Variants in GALNT9 observed in about 807,000 individuals in gnomAD.
GALNT9 encodes the protein GalNAc transferase 9.
In GALNT9, 47 loss-of-function variants were observed where a neutral mutation model predicts 63.1. The ratio of observed to expected loss-of-function variants is 0.75; its 90% confidence interval spans 0.59 to 0.95. The LOEUF is 0.95. GALNT9 is among the 40% of genes least tolerant of loss of function. The pLI is 0.00. For missense variants in GALNT9, 829 were observed against 874.8 expected, an observed-to-expected ratio of 0.95 and a Z score of 0.66; for synonymous variants, 396 against 365.7, an observed-to-expected ratio of 1.08 and a Z score of -0.94.
chr12:132,197,684 G>A lies in GALNT9; in HGVS notation c.1665+108C>T, dbSNP rs1024818168. 111 of 835,260 alleles carry A rather than the reference G, an allele frequency of 1.3e-4. No individual in the cohort carries two copies. In the Admixed American group the frequency reaches 1.4e-3, roughly 11 times the overall value. The allele number at this position is 835,260 out of a possible 1,614,324, so 51.7% of individuals were successfully genotyped here. On this transcript the variant is annotated intron_variant, in intron 10 of 10. Transcript: ENST00000328957. ...CCCGGTCCCCTGACCACCCCCTGCCGCACTCCAGCTCCCACCCAATGGGCT... is the reference window on the plus strand; with the variant it reads ...CCCGGTCCCCTGACCACCCCCTGCCACACTCCAGCTCCCACCCAATGGGCT...
At chr12:132,297,247 A>C (rs1384244815) in intron 1 of GALNT9, among the ~76,000 whole-genome samples, 2 of 147,320 alleles carry the variant, frequency 1.4e-5, no homozygotes, top group African/African-American at 2.5e-5. Flanking sequence ...AACTCACTCG[A>C]GATAACTAAC....
chr12:132,213,112 TCAGACC>T (rs1877025567), intron 6 of GALNT9, among the ~76,000 whole-genome samples: 1 of 47,172 alleles, frequency 2.1e-5, no homozygotes, highest in Non-Finnish European at 4.2e-5. Context: ...TCTGCAGCCT[TCAGACC>T]TCGACACGGA....
At chr12:132,226,965 T>C (rs1877718966) in intron 6 of GALNT9, among the ~76,000 whole-genome samples, 1 of 141,234 alleles carries the variant, frequency 7.1e-6, no homozygotes, top group East Asian at 2.2e-4. Context: ...ATACACACTG[T>C]ATACACACCC....
chr12:132,207,006 A>G (rs1876737313), intron 6 of GALNT9, among the ~76,000 whole-genome samples: 1 of 152,214 alleles, frequency 6.6e-6, no homozygotes, highest in Admixed American at 6.5e-5. Context: ...TTGAGGCTGC[A>G]GTGAGCCAAG....
At chr12:132,292,985 C>A (rs1196113418) in intron 1 of GALNT9, among the ~76,000 whole-genome samples, 9 of 152,220 alleles carry the variant, frequency 5.9e-5, no homozygotes, top group African/African-American at 2.2e-4. Flanking sequence ...ACGCACATCC[C>A]TAGGAATTCC....
rs1157615775 is a variant in GALNT9, at chr12:132,319,831, G to C, written c.238+9135C>G. On this transcript the variant is annotated intron_variant, in intron 1 of 10. Coordinates refer to ENST00000328957, the MANE Select transcript of GALNT9 (RefSeq NM_001122636.2). The surrounding 1 kb of genome is among the most constrained non-coding windows in gnomAD (Gnocchi z 5.2). ...GCCCAGCCTCCCGCGTCCTTCTAGG[G>C]AGAAGCCGGATTTCCTGTAGAACCT... Among the ~76,000 whole-genome samples the C allele has an allele frequency of 1.3e-5, 2 of 152,196 alleles. No individual in the cohort carries two copies. Among genetic ancestry groups the C allele is most frequent in the Non-Finnish European group, 2.9e-5 (2 of 68,028 alleles).
Position 132,304,678 on chromosome 12 carries a change from C to T in GALNT9, c.239-18248G>A, listed in dbSNP as rs1324136775. Reference sequence around the variant, plus strand: ...ACCCTCACCCGGGCACAGCCTCGCCCGGGCACACCCTCGCCCAGACACACC... The same window carrying T: ...ACCCTCACCCGGGCACAGCCTCGCCTGGGCACACCCTCGCCCAGACACACC... On this transcript the variant is annotated intron_variant, in intron 1 of 10. Transcript: ENST00000328957. 8.6e-5 allele frequency among the ~76,000 whole-genome samples: 4 copies of T among 46,274 alleles called. 1 individual carries two copies. Among genetic ancestry groups the T allele is most frequent in the Non-Finnish European group, 1.6e-4 (4 of 24,654 alleles). The allele number at this position is 46,274 out of a possible 152,430, so 30.4% of individuals were successfully genotyped here.
At chr12:132,318,223 T>G (rs1293120668) in intron 1 of GALNT9, among the ~76,000 whole-genome samples, 1 of 152,302 alleles carries the variant, frequency 6.6e-6, no homozygotes, top group East Asian at 1.9e-4. Flanking sequence ...AATAAAATGC[T>G]GACAGCCAAG....
rs1263849854 is a variant in GALNT9 at position 132,319,429 on chromosome 12, G to A, written c.238+9537C>T. Among the ~76,000 whole-genome samples the A allele has an allele frequency of 2.6e-5, 4 of 152,124 alleles. No homozygotes were observed. Among genetic ancestry groups the A allele is most frequent in the South Asian group, 2.1e-4 (1 of 4,830 alleles). ...GGGCCTTTGGAGTAGAAGTTATGCC[G>A]TTTTCCTCAGCGTGACCCTGGCTCT... is the stretch of plus-strand genomic sequence containing the variant. On this transcript the variant is annotated intron_variant, in intron 1 of 10. Coordinates refer to ENST00000328957, the MANE Select transcript of GALNT9 (RefSeq NM_001122636.2). This position sits in a 1 kb window ranked among gnomAD's most constrained non-coding sequence, Gnocchi z 5.2.
chr12:132,289,286 C>A (rs1733975949), intron 1 of GALNT9, among the ~76,000 whole-genome samples: 1 of 152,192 alleles, frequency 6.6e-6, no homozygotes, highest in Non-Finnish European at 1.5e-5. Context: ...TCTTGGTTTT[C>A]ATCTCATCGG....
intron 1 of GALNT9, among the ~76,000 whole-genome samples, chr12:132,302,771 G>A (rs1232689572): frequency 6.6e-6 from 1 of 152,244 alleles, no homozygotes. Context: ...TGTCCTGTGA[G>A]TGGCTGCGCA....
intron 2 of GALNT9, among the ~76,000 whole-genome samples, chr12:132,263,276 C>A (rs1879472706): frequency 6.6e-6 from 1 of 152,190 alleles, no homozygotes; most frequent in South Asian, 2.1e-4. Flanking sequence ...TGGTGCTCAG[C>A]CAGGGAGATT....
chr12:132,231,055 G>A (rs1038102032), intron 6 of GALNT9, among the ~76,000 whole-genome samples: 18 of 130,748 alleles, frequency 1.4e-4, no homozygotes, highest in African/African-American at 5.5e-4. Flanking sequence ...GAGACAGCGT[G>A]GAGTCCCTAG....
chr12:132,201,023 T>C, intron 8 of GALNT9, 101 bp downstream of exon 8: 1 of 1,178,542 alleles, frequency 8.5e-7, no homozygotes, highest in South Asian at 1.5e-5. Flanking sequence ...TACCTCTCCG[T>C]GTGCATGTGG....
rs1038876605 is a variant in GALNT9, at chr12:132,315,107, G to A, written c.238+13859C>T. On this transcript the variant is annotated intron_variant, in intron 1 of 10. Transcript: ENST00000328957. The surrounding 1 kb of genome is among the most constrained non-coding windows in gnomAD (Gnocchi z 6.1). The stretch of plus-strand genomic sequence containing the variant: ...CGGCCTGACGGAGGTGGCCCAGGGG[G>A]AGGTGGTGGGGCCGGGCTCTGAGTC... 1.3e-5 allele frequency among the ~76,000 whole-genome samples: 2 copies of A among 152,232 alleles called. No individual in the cohort carries two copies. Among genetic ancestry groups the A allele is most frequent in the Non-Finnish European group, 2.9e-5 (2 of 68,048 alleles).
At chr12:132,275,966 C>T (rs1273319698) in intron 2 of GALNT9, 1 of 152,400 alleles carries the variant, frequency 6.6e-6, no homozygotes, top group Non-Finnish European at 1.5e-5. Context: ...CCTGAGAAGG[C>T]TCTTTCTGCT....
chr12:132,293,023 C>T (rs1880919657), intron 1 of GALNT9, among the ~76,000 whole-genome samples: 1 of 152,214 alleles, frequency 6.6e-6, no homozygotes, highest in Admixed American at 6.5e-5. Flanking sequence ...TTTGGGGTTT[C>T]AGCTCTGTTC....
Position 132,237,254 on chromosome 12 carries a change from C to A in GALNT9, c.1077+10656G>T, listed in dbSNP as rs1480654569. ...GCTGCCCCAGGCCACCTGATCACAC[C>A]CGTCCACACCTGTTCATACCTGTCC... On this transcript the variant is annotated intron_variant, in intron 6 of 10. Coordinates refer to ENST00000328957, the MANE Select transcript of GALNT9 (RefSeq NM_001122636.2). Among the ~76,000 whole-genome samples the A allele has an allele frequency of 2.0e-5, 3 of 152,112 alleles. 1 individual carries two copies. The South Asian group carries it at 6.2e-4, about 32-fold the overall frequency.
chr12:132,253,943 C>G (rs28481451), intron 5 of GALNT9, among the ~76,000 whole-genome samples: 30,143 of 152,060 alleles, frequency 0.2, 3,121 homozygotes, highest in Middle Eastern at 0.36. Flanking sequence ...GTCAATAAAG[C>G]TTTATTTACA....
Sources: allele counts gnomAD v4.1 joint callset (sites outside exome capture counted in the v4.1 genomes callset), GRCh38; gene constraint gnomAD v4.1.1; non-coding constraint Gnocchi (gnomAD v3.1); transcripts MANE v1.5; gene names NCBI Gene and HGNC (gene_info 2026-07-23, HGNC 2026-07-21).